Variants in CRTC1 observed in about 807,000 individuals in gnomAD.
CRTC1 encodes the protein CREB regulated transcription coactivator 1.
CRTC1 carries 18 observed loss-of-function variants against 66.1 expected under a neutral mutation model. That is an observed-to-expected ratio of 0.27 (90% CI 0.19 to 0.40). The LOEUF (loss-of-function observed/expected upper bound fraction) is 0.40, where lower values mean the gene tolerates loss of function less well. Ranked by LOEUF, CRTC1 falls within the 10% of genes least tolerant of loss-of-function variation. The pLI is 1.00. For synonymous variants in CRTC1, 416 were observed against 398.8 expected (o/e 1.04, Z -0.51); for missense variants, 669 against 887.9 (o/e 0.75, Z 3.13).
At chr19:18,700,589 C>G (rs1202766385) in intron 1 of CRTC1, among the ~76,000 whole-genome samples, 1 of 152,208 alleles carries the variant, frequency 6.6e-6, no homozygotes, top group African/African-American at 2.4e-5. Flanking sequence ...CACAGCACTT[C>G]CCGTTTCCTC....
chr19:18,683,976 GA>G (rs2052625174), intron 1 of CRTC1, 148 bp downstream of exon 1: 1 of 344,190 alleles, frequency 2.9e-6, no homozygotes, highest in South Asian at 1.1e-4. Context: ...GCCCGAGGGG[GA>G]CAGGTGTCCC....
intron 12 of CRTC1, 145 bp downstream of exon 12, chr19:18,775,131 G>C (rs993131446): frequency 1.3e-6 from 1 of 789,986 alleles, no homozygotes; most frequent in Non-Finnish European, 2.0e-6. Context: ...CTCGGCCCCC[G>C]CCCCGTCCCA....
rs143522628 is a variant in CRTC1 at position 18,720,381 on chromosome 19, G to A, written c.127-22529G>A. ...TTTTTCTTTTTTTTGAGACAGTCTC[G>A]CTCTGTCACCCAGGCTGGAGTGCAG... On this transcript the variant is annotated intron_variant, in intron 1 of 13. Coordinates refer to ENST00000321949, the MANE Select transcript of CRTC1 (RefSeq NM_015321.3). Among the ~76,000 whole-genome samples the A allele has an allele frequency of 3.9e-4, 59 of 150,306 alleles. 1 individual carries two copies. In the East Asian group the frequency reaches 5.7e-3, roughly 14 times the overall value.
chr19:18,724,860 A>G (rs2053710938), intron 1 of CRTC1, among the ~76,000 whole-genome samples: 1 of 137,308 alleles, frequency 7.3e-6, no homozygotes, highest in African/African-American at 2.7e-5. Context: ...CCTTTTGGGG[A>G]CACCGTGAAT....
intron 1 of CRTC1, among the ~76,000 whole-genome samples, chr19:18,734,315 T>A (rs568141825): frequency 1.3e-5 from 2 of 152,176 alleles, no homozygotes; most frequent in African/African-American, 4.8e-5. Context: ...TCATGGTAAA[T>A]TTTTTATGTG....
rs147854262 is a variant in CRTC1, at chr19:18,776,911, C to T, written c.1694-260C>T. 2.2e-3 allele frequency among the ~76,000 whole-genome samples: 338 copies of T among 152,244 alleles called. 1 individual carries two copies. The highest frequency in any genetic ancestry group is 7.7e-3 in the African/African-American group (321 of 41,554). On this transcript the variant is annotated intron_variant, in intron 13 of 13. Coordinates refer to ENST00000321949, the MANE Select transcript of CRTC1 (RefSeq NM_015321.3). ...TGCATCAGTGACACAGCCCTTGGCCCGAGGCTTCTCCTTGGTGCTCCTGAC... is the reference window on the plus strand; with the variant it reads ...TGCATCAGTGACACAGCCCTTGGCCTGAGGCTTCTCCTTGGTGCTCCTGAC...
chr19:18,770,924 G>A (rs1326232556), intron 10 of CRTC1, among the ~76,000 whole-genome samples: 1 of 151,628 alleles, frequency 6.6e-6, no homozygotes, highest in African/African-American at 2.4e-5. Flanking sequence ...GTTTGTGTGT[G>A]GATGTGTGCC....
At chr19:18,759,071 G>C (rs2054555920) in intron 6 of CRTC1, among the ~76,000 whole-genome samples, 1 of 152,194 alleles carries the variant, frequency 6.6e-6, no homozygotes, top group Admixed American at 6.5e-5. Context: ...GCAGTGCAGT[G>C]ACGCGTGCCT....
At chr19:18,756,614 T>C (rs199532252) in intron 6 of CRTC1, among the ~76,000 whole-genome samples, 1 of 147,122 alleles carries the variant, frequency 6.8e-6, no homozygotes, top group Non-Finnish European at 1.5e-5. Flanking sequence ...ACCCTGTCTC[T>C]AAAAAAAAAA....
chr19:18,691,010 A>AGCGAG (rs1212338907), intron 1 of CRTC1, among the ~76,000 whole-genome samples: 9 of 141,220 alleles, frequency 6.4e-5, no homozygotes, highest in Admixed American at 5.3e-4. Flanking sequence ...TGGATGACAG[A>AGCGAG]GCGAGACTCC....
rs985668944 is a variant in CRTC1, at chr19:18,688,173, C to T, written c.126+4345C>T. Among the ~76,000 whole-genome samples, 7 of 152,080 alleles carry T rather than the reference C, an allele frequency of 4.6e-5. No individual in the cohort carries two copies. The South Asian group carries it at 6.2e-4, about 14-fold the overall frequency. ...CATCAATGCATCCGAATGAAGCAGACGCCCTCAGAAGGTGGCACACGCTGG... is the reference window on the plus strand; with the variant it reads ...CATCAATGCATCCGAATGAAGCAGATGCCCTCAGAAGGTGGCACACGCTGG... On this transcript the variant is annotated intron_variant, in intron 1 of 13. Transcript: ENST00000321949.
At chr19:18,723,018 A>G (rs111653677) in intron 1 of CRTC1, among the ~76,000 whole-genome samples, 1,633 of 151,602 alleles carry the variant, frequency 0.011, 42 homozygotes, top group African/African-American at 0.038. Context: ...TCGGCTCACT[A>G]CATCCTCTGC....
At chr19:18,687,578 C>T (rs980051662) in intron 1 of CRTC1, among the ~76,000 whole-genome samples, 2 of 152,190 alleles carry the variant, frequency 1.3e-5, no homozygotes, top group African/African-American at 4.8e-5. Flanking sequence ...CCATGGCGCG[C>T]TGCCTCCCAT....
chr19:18,776,801 G>C (rs968683397), intron 13 of CRTC1, among the ~76,000 whole-genome samples: 1 of 152,224 alleles, frequency 6.6e-6, no homozygotes, highest in Non-Finnish European at 1.5e-5. Flanking sequence ...AGTCACTCCA[G>C]CCTGCTTCTC....
chr19:18,740,770 G>A (rs1415360322), intron 1 of CRTC1, among the ~76,000 whole-genome samples: 1 of 152,126 alleles, frequency 6.6e-6, no homozygotes, highest in Non-Finnish European at 1.5e-5. Flanking sequence ...TTGGGAGGCC[G>A]AGGCGGGTGG....
intron 1 of CRTC1, among the ~76,000 whole-genome samples, chr19:18,730,925 C>T (rs2053872901): frequency 6.6e-6 from 1 of 152,050 alleles, no homozygotes. Flanking sequence ...GTCCCAGGCC[C>T]TCCACAGTTC....
At chr19:18,728,557 G>A in intron 1 of CRTC1, among the ~76,000 whole-genome samples, 1 of 151,984 alleles carries the variant, frequency 6.6e-6, no homozygotes, top group East Asian at 1.9e-4. Context: ...GCCCAGGCTG[G>A]GGTGCAATAG....
chr19:18,745,467 G>C (rs1179957712), intron 2 of CRTC1, among the ~76,000 whole-genome samples: 1 of 152,200 alleles, frequency 6.6e-6, no homozygotes. Context: ...AGGCCTGTCT[G>C]CACCTGGTGA....
intron 2 of CRTC1, 123 bp downstream of exon 2, chr19:18,743,149 C>T (rs1011235576): frequency 2.2e-5 from 17 of 767,334 alleles, no homozygotes; most frequent in Non-Finnish European, 3.5e-5. Flanking sequence ...CCAACCACTG[C>T]CTTCTCCTTG....
Sources: gnomAD v4.1 joint callset for allele counts (sites outside exome capture counted in the v4.1 genomes callset) on GRCh38, gnomAD v4.1.1 for gene constraint, MANE v1.5 for transcripts, NCBI Gene and HGNC (gene_info 2026-07-23, HGNC 2026-07-21) for gene names.